The following RANBP2 variants were observed in gnomAD, a reference collection of about 807,000 sequenced individuals.
RANBP2 encodes RAN binding protein 2.
A neutral mutation model predicts 303.6 loss-of-function variants in RANBP2; 57 were observed. The ratio of observed to expected loss-of-function variants is 0.19; its 90% CI spans 0.15 to 0.23. The LOEUF (loss-of-function observed/expected upper bound fraction) is 0.23. Among genes scored for constraint, RANBP2 ranks in the 10% least tolerant of loss-of-function variants. The pLI is 1.00. For synonymous variants in RANBP2, 1,167 were observed against 1,301.5 expected (o/e 0.90, Z 2.23); for missense variants, 3,138 against 3,780.8 (o/e 0.83, Z 4.46).
the RANBP2 span, among the ~76,000 whole-genome samples, chr2:109,280,062 C>A: frequency 6.6e-6 from 1 of 152,168 alleles, no homozygotes; most frequent in Admixed American, 6.5e-5. Context: ...AGGCTCCCCT[C>A]CTATTTTTTT....
rs1049768250 is a variant in RANBP2 at position 108,754,951 on chromosome 2, T to C, written c.2249T>C (p.Met750Thr). ...ESVKEMLNSVMQELEDYSEGG... is the reference protein window; with the variant it reads ...ESVKEMLNSVTQELEDYSEGG... ...GTAAAAGAGATGCTTAATTCAGTCA[T>C]GCAGGAACTCGAAGACTATAGTGAA... The change falls in exon 16 of 29, where the codon ATG (methionine) becomes ACG (threonine). Residue 750 changes from methionine to threonine, a missense_variant. Transcript: ENST00000283195. 1.2e-6 allele frequency: 2 copies of C among 1,611,784 alleles called. No homozygotes were observed. The highest frequency in any genetic ancestry group is 1.7e-6 in the Non-Finnish European group (2 of 1,179,834).
the RANBP2 span, chr2:108,884,853 G>A: frequency 6.6e-6 from 1 of 152,306 alleles, no homozygotes; most frequent in Non-Finnish European, 1.5e-5. Context: ...TTGAAGGCGG[G>A]TCTGCCAAGC....
chr2:109,493,511 C>T, the RANBP2 span, among the ~76,000 whole-genome samples: 1 of 151,620 alleles, frequency 6.6e-6, no homozygotes, highest in African/African-American at 2.4e-5. Context: ...ACACATACCT[C>T]ACACACACCA....
the RANBP2 span, among the ~76,000 whole-genome samples, chr2:109,576,144 C>T: frequency 6.6e-6 from 1 of 152,144 alleles, no homozygotes; most frequent in African/African-American, 2.4e-5. Context: ...GCCTATAGTC[C>T]TAGCTACTTG....
chr2:109,440,940 C>T, the RANBP2 span, among the ~76,000 whole-genome samples: 1 of 152,100 alleles, frequency 6.6e-6, no homozygotes, highest in Non-Finnish European at 1.5e-5. Context: ...CTGTTCCCAC[C>T]AGCCAGACGG....
intron 9 of RANBP2, among the ~76,000 whole-genome samples, chr2:108,749,915 C>T (rs1179190022): frequency 6.6e-6 from 1 of 152,082 alleles, no homozygotes; most frequent in Non-Finnish European, 1.5e-5. Flanking sequence ...TTTGGGAGGC[C>T]GAGGCAGGCA....
At chr2:109,448,156 G>C in the RANBP2 span, among the ~76,000 whole-genome samples, 1 of 152,210 alleles carries the variant, frequency 6.6e-6, no homozygotes, top group South Asian at 2.1e-4. Flanking sequence ...AGTCAAGCTT[G>C]GTCGGCTTGC....
chr2:109,163,905 A>G, the RANBP2 span, among the ~76,000 whole-genome samples: 1 of 152,180 alleles, frequency 6.6e-6, no homozygotes, highest in Non-Finnish European at 1.5e-5. Flanking sequence ...ATGCACTTAG[A>G]GTTTGATAGA....
At chr2:109,766,712 G>GAA in the RANBP2 span, among the ~76,000 whole-genome samples, 65 of 144,312 alleles carry the variant, frequency 4.5e-4, 5 homozygotes, top group East Asian at 0.013. Context: ...GGCAAATTAA[G>GAA]AAAAAAAACC....
At chr2:109,135,636 G>A in the RANBP2 span, among the ~76,000 whole-genome samples, 1 of 152,112 alleles carries the variant, frequency 6.6e-6, no homozygotes, top group South Asian at 2.1e-4. Context: ...TTAAGGGTGT[G>A]TGCGTGTACG....
In RANBP2 at chr2:108,772,490, T is replaced by C. The variant is rs781064936; in HGVS notation, c.8022T>C (p.Asp2674=). 1.9e-6 allele frequency: 3 copies of C among 1,612,282 alleles called. No individual in the cohort carries two copies. In the Admixed American group the frequency reaches 5.0e-5, roughly 27 times the overall value. The change falls in exon 22 of 29, where the codon GAT becomes GAC. Residue 2674 remains aspartate, a splice_region_variant and synonymous_variant. Transcript: ENST00000283195. ...PDYVSEEEED[D]EDFETAVKKL... is the part of the protein sequence containing the mutation. ...TCTTTTAATCAATTGTATTTTAAGA[T>C]GAAGATTTCGAAACAGCTGTCAAGA... is the stretch of plus-strand genomic sequence containing the variant.
At chr2:108,995,195 C>T in the RANBP2 span, among the ~76,000 whole-genome samples, 1 of 152,070 alleles carries the variant, frequency 6.6e-6, no homozygotes, top group Admixed American at 6.6e-5. Context: ...GGGTCTTGCT[C>T]CATCACCTGT....
chr2:109,251,349 G>C, the RANBP2 span: 17 of 558,398 alleles, frequency 3.0e-5, no homozygotes, highest in Non-Finnish European at 5.7e-5. Flanking sequence ...CAAGACACCC[G>C]GCCTGCCGCG....
the RANBP2 span, among the ~76,000 whole-genome samples, chr2:109,634,139 A>G: frequency 2.0e-5 from 3 of 150,760 alleles, no homozygotes; most frequent in Admixed American, 6.6e-5. Flanking sequence ...AAAAAAAAAA[A>G]AAAAAAAGAA....
At chr2:109,508,930 TG>T in the RANBP2 span, among the ~76,000 whole-genome samples, 1 of 152,294 alleles carries the variant, frequency 6.6e-6, no homozygotes, top group Admixed American at 6.5e-5. Context: ...GACGGGGGGA[TG>T]CAGTCCACTC....
intron 1 of RANBP2, 43 bp downstream of exon 1, chr2:108,719,721 G>C (rs1180624600): frequency 7.7e-6 from 12 of 1,559,342 alleles, no homozygotes; most frequent in Non-Finnish European, 1.0e-5. Context: ...ACCTGGCCGG[G>C]CGGCGGCCTC....
At chr2:109,041,202 T>G in the RANBP2 span, among the ~76,000 whole-genome samples, 2 of 152,384 alleles carry the variant, frequency 1.3e-5, no homozygotes, top group Admixed American at 6.5e-5. Flanking sequence ...GTTATTCATC[T>G]TAATAGTTTA....
chr2:109,508,051 T>C, the RANBP2 span, among the ~76,000 whole-genome samples: 3 of 152,204 alleles, frequency 2.0e-5, no homozygotes, highest in Non-Finnish European at 4.4e-5. Context: ...TGCTGGGCTC[T>C]GCTGCCCTCC....
the RANBP2 span, among the ~76,000 whole-genome samples, chr2:109,362,145 G>A: frequency 6.6e-6 from 1 of 151,894 alleles, no homozygotes; most frequent in Non-Finnish European, 1.5e-5. Flanking sequence ...GTCCTAAAGT[G>A]AAGATTTAGA....
Sources: gnomAD v4.1 joint callset for allele counts (sites outside exome capture counted in the v4.1 genomes callset) on GRCh38, gnomAD v4.1.1 for gene constraint, MANE v1.5 for transcripts, NCBI Gene and HGNC (gene_info 2026-07-23, HGNC 2026-07-21) for gene names.